ARHGEF26: variants seen among roughly 807,000 people sequenced by gnomAD.
The protein encoded by ARHGEF26 is Rho guanine nucleotide exchange factor 26, also known as Rho guanine nucleotide exchange factor (GEF) 26.
In ARHGEF26, 59 loss-of-function variants were observed where a neutral mutation model predicts 89.4. The ratio of observed to expected loss-of-function variants is 0.66; its 90% confidence interval spans 0.54 to 0.82. ARHGEF26 has a LOEUF of 0.82. ARHGEF26 is among the 40% of genes least tolerant of loss of function. The probability of loss-of-function intolerance (pLI) is 0.00; values close to 1 mark genes in which losing one functional copy is unlikely to be tolerated. For missense variants in ARHGEF26, 1,234 were observed against 1,085.6 expected (o/e 1.14, Z -1.92); for synonymous variants, 500 against 428.4 (o/e 1.17, Z -2.06).
intron 9 of ARHGEF26, among the ~76,000 whole-genome samples, chr3:154,211,756 T>A (rs1236445884): frequency 6.6e-6 from 1 of 152,168 alleles, no homozygotes; most frequent in Non-Finnish European, 1.5e-5. Flanking sequence ...ATATATATAT[T>A]TTAACATGCA....
At chr3:154,217,756 A>G (rs1162285358) in intron 9 of ARHGEF26, 113 bp from the exon 10 acceptor site, 4 of 769,834 alleles carry the variant, frequency 5.2e-6, no homozygotes, top group Non-Finnish European at 8.7e-6. Context: ...TCTCTGTCAG[A>G]AATGAATCTC....
chr3:154,220,554 G>A (rs1716063065), intron 10 of ARHGEF26, among the ~76,000 whole-genome samples: 1 of 152,162 alleles, frequency 6.6e-6, no homozygotes, highest in Non-Finnish European at 1.5e-5. Context: ...TGTGGCCCAG[G>A]AATTGTAAGC....
intron 9 of ARHGEF26, among the ~76,000 whole-genome samples, chr3:154,203,142 G>A (rs543928970): frequency 9.9e-5 from 15 of 152,124 alleles, no homozygotes; most frequent in South Asian, 6.2e-4. Flanking sequence ...GGTTTGTCAT[G>A]GATAGCTCTT....
At chr3:154,178,959 T>C (rs1713009178) in intron 6 of ARHGEF26, among the ~76,000 whole-genome samples, 1 of 152,182 alleles carries the variant, frequency 6.6e-6, no homozygotes, top group African/African-American at 2.4e-5. Flanking sequence ...CTTGTTACTT[T>C]GAAACAAATT....
intron 9 of ARHGEF26, among the ~76,000 whole-genome samples, chr3:154,215,068 G>C (rs1715635051): frequency 6.6e-6 from 1 of 152,176 alleles, no homozygotes; most frequent in African/African-American, 2.4e-5. Context: ...CCCACTGAAA[G>C]CATGCTGGTG....
chr3:154,153,182 T>C (rs1720129690), intron 6 of ARHGEF26, among the ~76,000 whole-genome samples: 1 of 152,186 alleles, frequency 6.6e-6, no homozygotes, highest in African/African-American at 2.4e-5. Flanking sequence ...TTGCTTGCTC[T>C]TTACTTCTGA....
At chr3:154,199,564 A>G (rs1303617753) in intron 9 of ARHGEF26, among the ~76,000 whole-genome samples, 1 of 152,012 alleles carries the variant, frequency 6.6e-6, no homozygotes, top group Non-Finnish European at 1.5e-5. Context: ...ACTTTCCTTT[A>G]TTTTGGGTAT....
At chr3:154,230,302 C>A (rs895471383) in intron 11 of ARHGEF26, among the ~76,000 whole-genome samples, 49 of 152,282 alleles carry the variant, frequency 3.2e-4, no homozygotes, top group African/African-American at 1.2e-3. Flanking sequence ...CAGATGAAGA[C>A]GCTGAGGAAA....
chr3:154,144,065 C>T (rs910875396), intron 4 of ARHGEF26, among the ~76,000 whole-genome samples: 1 of 152,158 alleles, frequency 6.6e-6, no homozygotes, highest in Non-Finnish European at 1.5e-5. Flanking sequence ...GGGAGCCCTG[C>T]TGACAGCTTA....
chr3:154,122,329 T>G lies in ARHGEF26; in HGVS notation c.337T>G (p.Ser113Ala). The G allele has an allele frequency of 1.9e-6, 3 of 1,612,738 alleles. No individual in the cohort carries two copies. The African/African-American group carries it at 4.0e-5, about 21-fold the overall frequency. Residue 113 changes from serine (S) to alanine (A), a missense_variant, in exon 2 of 15, where the codon TCA becomes GCA. By Grantham distance (99) the Ser-to-Ala change is moderately conservative (BLOSUM62 1). Coordinates refer to ENST00000465093, the MANE Select transcript of ARHGEF26 (RefSeq NM_015595.4). ...CTCTCCTCGACTTCGACGGCCCAAGTCACCCAAGCTCCCCAAAGCGGTGCC... is the reference window on the plus strand; with the variant it reads ...CTCTCCTCGACTTCGACGGCCCAAGGCACCCAAGCTCCCCAAAGCGGTGCC... ...AASPRLRRPK[S>A]PKLPKAVPGG...
chr3:154,182,960 T>TA (rs1713277127), intron 6 of ARHGEF26, among the ~76,000 whole-genome samples: 1 of 152,152 alleles, frequency 6.6e-6, no homozygotes, highest in Admixed American at 6.5e-5. Flanking sequence ...CCTGCAGTTT[T>TA]AAAAAACGTT....
chr3:154,196,191 G>A (rs111770479), intron 9 of ARHGEF26, among the ~76,000 whole-genome samples: 2,836 of 152,240 alleles, frequency 0.019, 82 homozygotes, highest in African/African-American at 0.065. Flanking sequence ...GTAGCTAACT[G>A]TCTAAATTCA....
intron 6 of ARHGEF26, among the ~76,000 whole-genome samples, chr3:154,186,979 C>T (rs1392075450): frequency 2.1e-5 from 3 of 145,316 alleles, no homozygotes; most frequent in Non-Finnish European, 4.5e-5. Flanking sequence ...GCAACCTCCG[C>T]CTCCTGGGTT....
In ARHGEF26 at chr3:154,256,968, TC is replaced by T. The variant is rs1312232895; in HGVS notation, c.*1496del. 1 of 1,528,654 alleles carries T rather than the reference TC, an allele frequency of 6.5e-7. No homozygotes were observed. Among genetic ancestry groups the T allele is most frequent in the Non-Finnish European group, 8.7e-7 (1 of 1,144,016 alleles). The allele number at this position is 1,528,654 out of a possible 1,614,324, so 94.7% of individuals were successfully genotyped here. ...GATTTTTACTGGCAGCTATATTCCC[TC>T]TCTGTTCTATTTGCTTTAACAAAGG... On this transcript the variant is annotated 3_prime_UTR_variant, in exon 15 of 15. Coordinates refer to ENST00000465093, the MANE Select transcript of ARHGEF26 (RefSeq NM_015595.4).
intron 6 of ARHGEF26, among the ~76,000 whole-genome samples, chr3:154,162,025 C>G (rs1374698118): frequency 6.6e-6 from 1 of 152,092 alleles, no homozygotes; most frequent in Non-Finnish European, 1.5e-5. Context: ...GGATAATGAG[C>G]CTGGTTGGGA....
At chr3:154,238,273 G>A (rs1717250594) in intron 11 of ARHGEF26, among the ~76,000 whole-genome samples, 1 of 152,196 alleles carries the variant, frequency 6.6e-6, no homozygotes, top group East Asian at 1.9e-4. Context: ...AAGTGTGGGT[G>A]TGCTGGTCTG....
At chr3:154,239,259 AG>A (rs1407866434) in intron 11 of ARHGEF26, among the ~76,000 whole-genome samples, 1 of 103,818 alleles carries the variant, frequency 9.6e-6, no homozygotes, top group African/African-American at 4.6e-5. Flanking sequence ...CGAGAGAGAG[AG>A]GGAGAGAGAG....
chr3:154,204,716 T>C (rs1714904551), intron 9 of ARHGEF26, among the ~76,000 whole-genome samples: 1 of 152,224 alleles, frequency 6.6e-6, no homozygotes, highest in African/African-American at 2.4e-5. Context: ...TTTGATATGT[T>C]GTGTTTCCAT....
intron 9 of ARHGEF26, among the ~76,000 whole-genome samples, chr3:154,212,561 C>G (rs1219997851): frequency 7.9e-6 from 1 of 126,654 alleles, no homozygotes; most frequent in Non-Finnish European, 1.6e-5. Flanking sequence ...GCACCCCAGA[C>G]TAGTTTCATG....
Sources: allele counts gnomAD v4.1 joint callset (sites outside exome capture counted in the v4.1 genomes callset), GRCh38; gene constraint gnomAD v4.1.1; transcripts MANE v1.5; gene names NCBI Gene and HGNC (gene_info 2026-07-23, HGNC 2026-07-21).